Variants in FOXN3 observed in about 807,000 individuals in gnomAD.
The protein encoded by FOXN3 is forkhead box protein N3.
FOXN3 carries 7 observed loss-of-function variants against 38.4 expected under a neutral mutation model. The ratio of observed to expected loss-of-function variants is 0.18; its 90% confidence interval spans 0.10 to 0.34. FOXN3 has a LOEUF of 0.34. FOXN3 is among the 10% of genes least tolerant of loss of function. The pLI is 1.00. For missense variants in FOXN3, 456 were observed against 613.4 expected (o/e 0.74, Z 2.71); for synonymous variants, 230 against 242.2 (o/e 0.95, Z 0.47).
At chr14:89,271,964 C>T (rs2182476) in intron 4 of FOXN3, among the ~76,000 whole-genome samples, 150,905 of 152,342 alleles carry the variant, frequency 0.99, 74,749 homozygotes, top group Middle Eastern at 1. Context: ...GGCCTTGTTT[C>T]TCCCATCTAC....
intron 4 of FOXN3, among the ~76,000 whole-genome samples, chr14:89,219,187 G>T (rs1253922600): frequency 6.6e-6 from 1 of 152,062 alleles, no homozygotes; most frequent in African/African-American, 2.4e-5. Flanking sequence ...GGATCATGGG[G>T]GTGGATGTCC....
chr14:89,339,176 G>A (rs771962194), intron 3 of FOXN3, among the ~76,000 whole-genome samples: 14 of 152,098 alleles, frequency 9.2e-5, no homozygotes, highest in Admixed American at 2.6e-4. Context: ...GTTTTGCCAC[G>A]TTGGCCAGGC....
chr14:89,204,700 T>C (rs770825582), intron 4 of FOXN3, among the ~76,000 whole-genome samples: 3 of 152,160 alleles, frequency 2.0e-5, no homozygotes, highest in African/African-American at 4.8e-5. Context: ...AAGTCCTACA[T>C]TGGTACAATG....
chr14:89,286,318 C>T (rs555968672), intron 3 of FOXN3, among the ~76,000 whole-genome samples: 1 of 152,094 alleles, frequency 6.6e-6, no homozygotes, highest in African/African-American at 2.4e-5. Flanking sequence ...TCTGAATGTC[C>T]CCCATGGTCA....
intron 1 of FOXN3, among the ~76,000 whole-genome samples, chr14:89,561,339 A>G (rs758271855): frequency 6.6e-6 from 1 of 152,290 alleles, no homozygotes. Context: ...CAGCCTCCCA[A>G]GTAGCTGGGA....
rs1225665790 is a variant in FOXN3, at chr14:89,511,263, CTTTCT to C, written c.-14-98778_-14-98774del. On this transcript the variant is annotated intron_variant, in intron 1 of 6. Coordinates refer to the FOXN3 transcript ENST00000345097. ...TTTTCTTTCTTTTCTTTCTTTCTTT[CTTTCT>C]TTCTTTCTTTCTTTCTTTCTTTCTT... Among the ~76,000 whole-genome samples, 95 of 41,284 alleles carry C rather than the reference CTTTCT, an allele frequency of 2.3e-3. 34 individuals carry two copies. Among genetic ancestry groups the C allele is most frequent in the Non-Finnish European group, 4.0e-3 (70 of 17,626 alleles). 27.1% of individuals were successfully genotyped at this position (41,284 alleles called of 152,430 possible).
intron 5 of FOXN3, among the ~76,000 whole-genome samples, chr14:89,175,384 T>A (rs1418716255): frequency 6.6e-6 from 1 of 152,226 alleles, no homozygotes; most frequent in Non-Finnish European, 1.5e-5. Context: ...TACTCTGTGC[T>A]GAAAGGTGGC....
intron 4 of FOXN3, among the ~76,000 whole-genome samples, chr14:89,213,774 C>T (rs766003345): frequency 6.6e-6 from 1 of 151,890 alleles, no homozygotes; most frequent in East Asian, 1.9e-4. Context: ...AGACTGCCCC[C>T]ACCCCAGAGG....
intron 1 of FOXN3, among the ~76,000 whole-genome samples, chr14:89,508,730 G>A (rs1893999437): frequency 6.6e-6 from 1 of 152,146 alleles, no homozygotes; most frequent in Non-Finnish European, 1.5e-5. Context: ...TCACCTGCAG[G>A]CCCTGTGAGA....
chr14:89,251,221 T>A (rs550224179), intron 4 of FOXN3, among the ~76,000 whole-genome samples: 1 of 152,306 alleles, frequency 6.6e-6, no homozygotes, highest in African/African-American at 2.4e-5. Context: ...TTCCCACATA[T>A]CCTACATTTC....
chr14:89,332,825 C>T (rs1164990698), intron 3 of FOXN3, among the ~76,000 whole-genome samples: 1 of 152,094 alleles, frequency 6.6e-6, no homozygotes, highest in Non-Finnish European at 1.5e-5. Context: ...TTAATATCCA[C>T]AATAGAAAGG....
chr14:89,224,242 C>T (rs1458668089), intron 4 of FOXN3, among the ~76,000 whole-genome samples: 5 of 152,058 alleles, frequency 3.3e-5, no homozygotes, highest in South Asian at 2.1e-4. Flanking sequence ...TTAATAAGTT[C>T]GATTTCCTTT....
At chr14:89,380,773 T>C (rs1890622339) in intron 2 of FOXN3, among the ~76,000 whole-genome samples, 1 of 152,208 alleles carries the variant, frequency 6.6e-6, no homozygotes, top group Non-Finnish European at 1.5e-5. Flanking sequence ...CTACTGAAGA[T>C]GCTTCCCCTG....
chr14:89,457,958 G>C (rs767405090), intron 1 of FOXN3, among the ~76,000 whole-genome samples: 2 of 149,344 alleles, frequency 1.3e-5, no homozygotes, highest in Non-Finnish European at 3.0e-5. Context: ...AGGTTGCAGT[G>C]AGCGGAGGTT....
chr14:89,505,699 C>A (rs1442360613), intron 1 of FOXN3, among the ~76,000 whole-genome samples: 1 of 152,096 alleles, frequency 6.6e-6, no homozygotes, highest in Non-Finnish European at 1.5e-5. Context: ...GCCACCACCC[C>A]GTCTGGGAAG....
intron 2 of FOXN3, among the ~76,000 whole-genome samples, chr14:89,368,971 A>G (rs925095586): frequency 9.9e-5 from 15 of 152,160 alleles, no homozygotes; most frequent in Admixed American, 8.5e-4. Context: ...AACACTTTAC[A>G]CAGTGCGTTT....
intron 1 of FOXN3, among the ~76,000 whole-genome samples, chr14:89,491,990 C>T (rs1444688891): frequency 6.6e-6 from 1 of 152,112 alleles, no homozygotes; most frequent in Non-Finnish European, 1.5e-5. Context: ...TTTGTTTCTA[C>T]ACTGGAAAAT....
At chr14:89,539,672 A>T (rs766514987) in intron 1 of FOXN3, among the ~76,000 whole-genome samples, 2 of 152,194 alleles carry the variant, frequency 1.3e-5, no homozygotes, top group Non-Finnish European at 2.9e-5. Flanking sequence ...ACTGCCTCTT[A>T]GGGTAAGTAG....
chr14:89,390,638 A>G (rs1890919685), intron 2 of FOXN3, among the ~76,000 whole-genome samples: 1 of 152,148 alleles, frequency 6.6e-6, no homozygotes, highest in African/African-American at 2.4e-5. Context: ...GCCTAGCAAA[A>G]TAAAACAGCA....
Sources: gnomAD v4.1 joint callset for allele counts (sites outside exome capture counted in the v4.1 genomes callset) on GRCh38, gnomAD v4.1.1 for gene constraint, MANE v1.5 for transcripts, NCBI Gene and HGNC (gene_info 2026-07-23, HGNC 2026-07-21) for gene names.